VAT1L: variants seen among roughly 807,000 people sequenced by gnomAD.
VAT1L encodes vesicle amine transport 1 like.
Under a neutral mutation model 44.1 loss-of-function variants are expected in VAT1L, and 34 were observed. The observed-to-expected ratio is 0.77, with a 90% CI of 0.59 to 1.03. VAT1L has a LOEUF of 1.03. Among genes scored for constraint, VAT1L ranks in the 50% least tolerant of loss-of-function variants. The pLI, the probability that VAT1L is intolerant of heterozygous loss-of-function variation, is 0.00. For synonymous variants in VAT1L, 253 were observed against 202.2 expected, an observed-to-expected ratio of 1.25 and a Z score of -2.13; for missense variants, 615 against 538.8, an observed-to-expected ratio of 1.14 and a Z score of -1.40.
At chr16:77,969,143 A>G (rs2018253303) in intron 7 of VAT1L, among the ~76,000 whole-genome samples, 1 of 152,214 alleles carries the variant, frequency 6.6e-6, no homozygotes, top group South Asian at 2.1e-4. Flanking sequence ...TTAAAGCAAA[A>G]TTAGGAATGC....
intron 7 of VAT1L, among the ~76,000 whole-genome samples, chr16:77,914,151 T>C (rs62042213): frequency 0.062 from 9,426 of 152,294 alleles, 357 homozygotes; most frequent in East Asian, 0.12. Flanking sequence ...AAGAGCCAAT[T>C]GTTAAATAAT....
intron 3 of VAT1L, among the ~76,000 whole-genome samples, chr16:77,858,844 A>T (rs943107420): frequency 2.0e-5 from 3 of 152,108 alleles, no homozygotes; most frequent in Admixed American, 1.3e-4. Context: ...ACAAAAAAAA[A>T]TTTTAAAAAG....
At chr16:77,826,159 A>G (rs994386326) in intron 3 of VAT1L, among the ~76,000 whole-genome samples, 1 of 149,828 alleles carries the variant, frequency 6.7e-6, no homozygotes, top group African/African-American at 2.4e-5. Flanking sequence ...GTGAGCCGAG[A>G]TCCCGCCACT....
chr16:77,795,593 A>C (rs955029588), intron 1 of VAT1L, among the ~76,000 whole-genome samples: 1 of 152,150 alleles, frequency 6.6e-6, no homozygotes, highest in East Asian at 1.9e-4. Context: ...GCCTGAAGGA[A>C]GAGCAGGAAT....
chr16:77,935,040 C>G (rs2017776918), intron 7 of VAT1L, among the ~76,000 whole-genome samples: 1 of 152,080 alleles, frequency 6.6e-6, no homozygotes, highest in African/African-American at 2.4e-5. Context: ...TCCTCTGGTA[C>G]CACGGAATGT....
intron 8 of VAT1L, among the ~76,000 whole-genome samples, chr16:77,973,618 G>C (rs1221948355): frequency 6.6e-6 from 1 of 150,942 alleles, no homozygotes; most frequent in African/African-American, 2.4e-5. Context: ...TATTCGGGAA[G>C]TGTTTCTTGT....
At chr16:77,920,681 C>A (rs1428581722) in intron 7 of VAT1L, among the ~76,000 whole-genome samples, 1 of 151,980 alleles carries the variant, frequency 6.6e-6, no homozygotes, top group African/African-American at 2.4e-5. Flanking sequence ...TTTACTGTAC[C>A]TTTTGTATGT....
chr16:77,876,517 C>T (rs759225485), intron 5 of VAT1L, 44 bp downstream of exon 5: 3 of 1,554,000 alleles, frequency 1.9e-6, no homozygotes, highest in Non-Finnish European at 2.7e-6. Context: ...CAATAGGTAC[C>T]TCTACATATG....
chr16:77,808,430 C>T (rs139918235), intron 1 of VAT1L, among the ~76,000 whole-genome samples: 164 of 152,180 alleles, frequency 1.1e-3, no homozygotes, highest in African/African-American at 3.9e-3. Flanking sequence ...AAATACAATG[C>T]ACAGTAAATG....
chr16:77,938,567 G>A (rs1442859106), intron 7 of VAT1L, among the ~76,000 whole-genome samples: 1 of 152,022 alleles, frequency 6.6e-6, no homozygotes, highest in African/African-American at 2.4e-5. Flanking sequence ...AAAGTGTGTG[G>A]CACTTCCCCC....
In VAT1L at chr16:77,805,476, C is replaced by A. The variant is rs567035250; in HGVS notation, c.234-11445C>A. On this transcript the variant is annotated intron_variant, in intron 1 of 8. Coordinates refer to ENST00000302536, the MANE Select transcript of VAT1L (RefSeq NM_020927.3). The stretch of plus-strand genomic sequence containing the variant: ...TCAAACATCTGCTTCTTTGACCCCG[C>A]ATGGATTGGGAGTTAAGTGCTTTGA... Among the ~76,000 whole-genome samples, 5 of 151,452 alleles carry A rather than the reference C, an allele frequency of 3.3e-5. No individual in the cohort carries two copies. In the South Asian group the frequency reaches 1.0e-3, roughly 32 times the overall value.
At chr16:77,934,823 C>G (rs528641344) in intron 7 of VAT1L, among the ~76,000 whole-genome samples, 1 of 152,174 alleles carries the variant, frequency 6.6e-6, no homozygotes, top group South Asian at 2.1e-4. Context: ...GCAGGAAGTA[C>G]CAATTTGTGC....
At chr16:77,868,955 A>G (rs2017002976) in intron 4 of VAT1L, among the ~76,000 whole-genome samples, 1 of 152,166 alleles carries the variant, frequency 6.6e-6, no homozygotes, top group Non-Finnish European at 1.5e-5. Flanking sequence ...TAGATTGATG[A>G]GACTCTTGAA....
chr16:77,929,157 GCTCT>G lies in VAT1L; in HGVS notation c.1078-42690_1078-42687del, dbSNP rs550000152. ...TGTGTGATACTGATGTACTTTGAATGCTCTCTATTTGAGCTCTGCATTCTCTGGA... is the reference window on the plus strand; with the variant it reads ...TGTGTGATACTGATGTACTTTGAATGCTATTTGAGCTCTGCATTCTCTGGA... On this transcript the variant is annotated intron_variant, in intron 7 of 8. Coordinates refer to ENST00000302536, the MANE Select transcript of VAT1L (RefSeq NM_020927.3). Among the ~76,000 whole-genome samples, 23 of 152,202 alleles carry G rather than the reference GCTCT, an allele frequency of 1.5e-4. No individual in the cohort carries two copies. In the East Asian group the frequency reaches 3.5e-3, roughly 23 times the overall value.
intron 3 of VAT1L, among the ~76,000 whole-genome samples, chr16:77,841,543 C>G (rs1335652528): frequency 6.6e-6 from 1 of 152,178 alleles, no homozygotes; most frequent in East Asian, 1.9e-4. Flanking sequence ...ATTACTACCA[C>G]CTCTTCTGTC....
At position 77,979,587 on chromosome 16, in the gene VAT1L, C is replaced by G. The variant is rs1597132260; in HGVS notation, c.*1892C>G. 6.6e-6 allele frequency: 1 copy of G among 152,110 alleles called. No individual in the cohort carries two copies. Among genetic ancestry groups the G allele is most frequent in the Admixed American group, 6.6e-5 (1 of 15,266 alleles). 9.4% of individuals were successfully genotyped at this position (152,110 alleles called of 1,614,324 possible). A position where few individuals can be genotyped will look rare whatever the true frequency, so the allele number is the denominator to read the frequency against. On this transcript the variant is annotated 3_prime_UTR_variant, in exon 9 of 9. Transcript: ENST00000302536. ...GAGCCCTTGGCCATACTAGGGCTCTCCTTCCCCCGGGGAGTGGGAACTCAG... is the reference window on the plus strand; with the variant it reads ...GAGCCCTTGGCCATACTAGGGCTCTGCTTCCCCCGGGGAGTGGGAACTCAG...
chr16:77,936,956 C>T (rs576490016), intron 7 of VAT1L, among the ~76,000 whole-genome samples: 1 of 152,284 alleles, frequency 6.6e-6, no homozygotes, highest in African/African-American at 2.4e-5. Context: ...ACATTCTTGG[C>T]TCAGTGCATC....
chr16:77,954,614 G>C (rs1461437292), intron 7 of VAT1L, among the ~76,000 whole-genome samples: 2 of 152,152 alleles, frequency 1.3e-5, no homozygotes, highest in African/African-American at 4.8e-5. Flanking sequence ...GACAGAGCGA[G>C]TCTGTCTCAA....
intron 7 of VAT1L, among the ~76,000 whole-genome samples, chr16:77,902,231 G>T: frequency 6.6e-6 from 1 of 152,226 alleles, no homozygotes; most frequent in East Asian, 1.9e-4. Flanking sequence ...AAAAGGAGCA[G>T]AAGGCCATGG....
Sources: allele counts gnomAD v4.1 joint callset (sites outside exome capture counted in the v4.1 genomes callset), GRCh38; gene constraint gnomAD v4.1.1; transcripts MANE v1.5; gene names NCBI Gene and HGNC (gene_info 2026-07-23, HGNC 2026-07-21).